The following AP2A1 variants were observed in gnomAD, a reference collection of about 807,000 sequenced individuals.
AP2A1 encodes the protein adaptor related protein complex 2 subunit alpha 1.
AP2A1 carries 21 observed loss-of-function variants against 107.3 expected under a neutral mutation model. That is an observed-to-expected ratio of 0.20 (90% CI 0.14 to 0.28). The LOEUF (loss-of-function observed/expected upper bound fraction) is 0.28. Ranked by LOEUF, AP2A1 falls within the 10% of genes least tolerant of loss-of-function variation. The pLI, the probability that AP2A1 is intolerant of heterozygous loss-of-function variation, is 1.00. For synonymous variants in AP2A1, 602 were observed against 564.8 expected, an observed-to-expected ratio of 1.07 and a Z score of -0.93; for missense variants, 873 against 1,307.7, an observed-to-expected ratio of 0.67 and a Z score of 5.13.
At chr19:49,767,237 G>T in intron 1 of AP2A1, 37 bp downstream of exon 1, 1 of 1,606,340 alleles carries the variant, frequency 6.2e-7, no homozygotes. Flanking sequence ...AGACGCGGGG[G>T]AGGGGGGAGC....
chr19:49,805,862 CGG>C lies in AP2A1; in HGVS notation c.2586-9_2586-8del. 2 of 1,613,646 alleles carry C rather than the reference CGG, an allele frequency of 1.2e-6. No individual in the cohort carries two copies. Among genetic ancestry groups the C allele is most frequent in the African/African-American group, 1.3e-5 (1 of 75,034 alleles). Reference sequence around the variant, plus strand: ...TCCAGGTCCCTGACTTGAACCTTCCCGGTCCCCAGCCCTCAACAGGAGGCGCA... The same window carrying C: ...TCCAGGTCCCTGACTTGAACCTTCCCTCCCCAGCCCTCAACAGGAGGCGCA... On this transcript the variant is annotated splice_region_variant and splice_polypyrimidine_tract_variant and intron_variant, in intron 20 of 22. Coordinates refer to ENST00000354293, the MANE Select transcript of AP2A1 (RefSeq NM_130787.3).
chr19:49,782,414 G>T (rs1679323103), intron 3 of AP2A1, 117 bp from the exon 4 acceptor site: 2 of 1,164,032 alleles, frequency 1.7e-6, no homozygotes, highest in Non-Finnish European at 2.4e-6. Context: ...GGGGCCTGGG[G>T]GCCTGGACTC....
At chr19:49,773,462 C>T (rs146698497) in intron 1 of AP2A1, among the ~76,000 whole-genome samples, 18 of 152,254 alleles carry the variant, frequency 1.2e-4, no homozygotes, top group African/African-American at 4.3e-4. Context: ...AGGTTCTAGC[C>T]CATGGGAGGC....
chr19:49,780,855 G>A (rs1379402999), intron 1 of AP2A1, among the ~76,000 whole-genome samples: 3 of 151,908 alleles, frequency 2.0e-5, no homozygotes, highest in East Asian at 3.8e-4. Context: ...CAGCCTGGGC[G>A]ACAGTCTAAG....
chr19:49,803,096 T>C lies in AP2A1; in HGVS notation c.2172-11T>C, dbSNP rs2073313122. ...GGCACCCCCGTCATCTTGCGCCCCC[T>C]GCCCCCTCAGGTTTGTGTGTAAGAA... On this transcript the variant is annotated splice_polypyrimidine_tract_variant and intron_variant, in intron 16 of 22. Coordinates refer to ENST00000354293, the MANE Select transcript of AP2A1 (RefSeq NM_130787.3). 1.2e-6 allele frequency: 2 copies of C among 1,613,944 alleles called. No individual in the cohort carries two copies. The highest frequency in any genetic ancestry group is 4.5e-5 in the East Asian group (2 of 44,874).
chr19:49,776,202 G>A (rs957390218), intron 1 of AP2A1, among the ~76,000 whole-genome samples: 1 of 145,534 alleles, frequency 6.9e-6, no homozygotes, highest in Non-Finnish European at 1.5e-5. Flanking sequence ...ACCCGCCCCC[G>A]CCGCCGCCCG....
intron 15 of AP2A1, 71 bp downstream of exon 15, chr19:49,802,212 C>T (rs2073292692): frequency 1.5e-6 from 2 of 1,297,788 alleles, no homozygotes; most frequent in South Asian, 1.3e-5. Flanking sequence ...CCTCTGTCCC[C>T]GTTTTCCCTG....
chr19:49,805,480 C>T lies in AP2A1; in HGVS notation c.2372C>T (p.Ala791Val). Reference sequence around the variant, plus strand: ...CTGGCTGTGCAGACCAAGCGCGTGGCGGCGCAGGTGGACGGCGGCGCGCAG... The same window carrying T: ...CTGGCTGTGCAGACCAAGCGCGTGGTGGCGCAGGTGGACGGCGGCGCGCAG... The part of the protein sequence containing the change: ...TQLAVQTKRV[A>V]AQVDGGAQVQ... Residue 791 changes from alanine to valine, a missense_variant, in exon 19 of 23, where the codon GCG becomes GTG. Around this residue, in one of 4 missense-constraint regions of AP2A1, gnomAD observed 416 missense variants for 473.4 expected, o/e 0.88. Coordinates refer to ENST00000354293, the MANE Select transcript of AP2A1 (RefSeq NM_130787.3). The T allele has an allele frequency of 1.3e-6, 2 of 1,551,610 alleles. No homozygotes were observed. The highest frequency in any genetic ancestry group is 1.7e-6 in the Non-Finnish European group (2 of 1,147,634).
chr19:49,803,473 C>T (rs780330924), intron 18 of AP2A1, 97 bp downstream of exon 18: 54 of 955,146 alleles, frequency 5.7e-5, no homozygotes, highest in Non-Finnish European at 7.7e-5. Context: ...TCTCTTCAGC[C>T]TCTCTTGGGC....
chr19:49,793,278 C>T (rs2073169577), intron 6 of AP2A1, among the ~76,000 whole-genome samples, 186 bp downstream of exon 6: 1 of 152,224 alleles, frequency 6.6e-6, no homozygotes, highest in African/African-American at 2.4e-5. Flanking sequence ...GTGGCTTCAC[C>T]TCCCTGGCCT....
At chr19:49,776,078 C>T (rs1297762983) in intron 1 of AP2A1, among the ~76,000 whole-genome samples, 2 of 152,182 alleles carry the variant, frequency 1.3e-5, no homozygotes, top group Non-Finnish European at 2.9e-5. Context: ...GAACACCCCT[C>T]ACGGCAACAG....
At position 49,805,733 on chromosome 19, in the gene AP2A1, G is replaced by C; in HGVS notation, c.2541G>C (p.Glu847Asp). 1 of 1,582,378 alleles carries C rather than the reference G, an allele frequency of 6.3e-7. No individual in the cohort carries two copies. ...TCAACAAGTTCTTCCAGCCCACCGA[G>C]ATGGCGGCCCAGGATTTCTTCCAGC... ...VTINKFFQPT[E>D]MAAQDFFQRW... Residue 847 changes from glutamate to aspartate, a missense_variant, in exon 20 of 23, where the codon GAG becomes GAC. By Grantham distance (45) the Glu-to-Asp change is conservative. Transcript: ENST00000354293.
rs576592931 is a variant in AP2A1, at chr19:49,782,339, G to A, written c.280-192G>A. Among the ~76,000 whole-genome samples the A allele has an allele frequency of 1.8e-4, 27 of 150,846 alleles. No homozygotes were observed. The South Asian group carries it at 5.5e-3, about 31-fold the overall frequency. ...CCTGGGTCTGAGGGTTGAATCTGGG[G>A]CCTGGACTCGTGGGTCTGAGGGAGG... On this transcript the variant is annotated intron_variant, in intron 3 of 22. Transcript: ENST00000354293.
chr19:49,807,071 G>T lies in AP2A1; in HGVS notation c.*313G>T. On this transcript the variant is annotated 3_prime_UTR_variant, in exon 23 of 23. Transcript: ENST00000354293. ...CCCCTCCTACCCCCTCCCCATCCAG[G>T]GGCTGTGTATTATTGTGAGCGAATA... 1 of 1,354,166 alleles carries T rather than the reference G, an allele frequency of 7.4e-7. No homozygotes were observed. The highest frequency in any genetic ancestry group is 9.8e-7 in the Non-Finnish European group (1 of 1,018,952). The allele number at this position is 1,354,166 out of a possible 1,614,324, so 83.9% of individuals were successfully genotyped here.
In AP2A1 at chr19:49,802,714, G is replaced by C. The variant is rs966498411; in HGVS notation, c.2115-235G>C. 14 of 1,161,244 alleles carry C rather than the reference G, an allele frequency of 1.2e-5. No homozygotes were observed. In the Admixed American group the frequency reaches 3.5e-4, roughly 29 times the overall value. The allele number at this position is 1,161,244 out of a possible 1,614,324, so 71.9% of individuals were successfully genotyped here. On this transcript the variant is annotated intron_variant, in intron 15 of 22. Coordinates refer to ENST00000354293, the MANE Select transcript of AP2A1 (RefSeq NM_130787.3). ...GGGTTCCTGATGAGCAGCAGAGGCAGGGACTTGGAGGAAAGGGAAACTTGG... is the reference window on the plus strand; with the variant it reads ...GGGTTCCTGATGAGCAGCAGAGGCACGGACTTGGAGGAAAGGGAAACTTGG...
chr19:49,798,361 G>A (rs2073236999), intron 7 of AP2A1, among the ~76,000 whole-genome samples: 1 of 152,182 alleles, frequency 6.6e-6, no homozygotes, highest in Non-Finnish European at 1.5e-5. Context: ...GGACACTTGG[G>A]TGGGTGGCTT....
intron 11 of AP2A1, chr19:49,800,758 A>G (rs993468535): frequency 4.7e-5 from 24 of 509,680 alleles, no homozygotes; most frequent in Non-Finnish European, 6.9e-6. Flanking sequence ...GGCATGAGCC[A>G]CTGCTTCCGG....
In AP2A1 at chr19:49,803,193, T is replaced by C; in HGVS notation, c.2254+4T>C. ...TCAGAGTTCCGACAGAACCTGGGTG[T>C]GTCCCGGGGGACTGTGGGAATGGGT... is the stretch of plus-strand genomic sequence containing the variant. On this transcript the variant is annotated splice_donor_region_variant and intron_variant, in intron 17 of 22. Transcript: ENST00000354293. The C allele has an allele frequency of 6.2e-7, 1 of 1,613,942 alleles. No individual in the cohort carries two copies. Among genetic ancestry groups the C allele is most frequent in the Non-Finnish European group, 8.5e-7 (1 of 1,179,880 alleles).
At chr19:49,799,123 T>G (rs956952583) in intron 8 of AP2A1, among the ~76,000 whole-genome samples, 171 bp downstream of exon 8, 2 of 152,122 alleles carry the variant, frequency 1.3e-5, no homozygotes, top group Non-Finnish European at 2.9e-5. Flanking sequence ...GGGCCCTTCC[T>G]GGGGGCAGAA....
Sources: gnomAD v4.1 joint callset for allele counts (sites outside exome capture counted in the v4.1 genomes callset) on GRCh38, gnomAD v4.1.1 for gene constraint, gnomAD v4.1.1 regional missense constraint, MANE v1.5 for transcripts, NCBI Gene and HGNC (gene_info 2026-07-23, HGNC 2026-07-21) for gene names.